Variants in MNAT1 observed in about 807,000 individuals in gnomAD.
MNAT1 encodes the protein CDK-activating kinase assembly factor MAT1.
In MNAT1, 43 loss-of-function variants were observed where a neutral mutation model predicts 42.0. The ratio of observed to expected loss-of-function variants is 1.02; its 90% CI spans 0.80 to 1.32. The LOEUF (loss-of-function observed/expected upper bound fraction) is 1.32, where lower values mean the gene tolerates loss of function less well. MNAT1 is among the 40% of genes most tolerant of loss of function. The probability of loss-of-function intolerance (pLI) is 0.00; values close to 1 mark genes in which losing one functional copy is unlikely to be tolerated. For synonymous variants in MNAT1, 118 were observed against 120.0 expected (o/e 0.98, Z 0.11); for missense variants, 306 against 350.4 (o/e 0.87, Z 1.01).
rs2033535453 is a variant in MNAT1, at chr14:60,841,026, A to G, written c.687+22179A>G. ...TGGTGAATATTGTTTTGTGAACTTG[A>G]AGATAATTTCTATTTGGCTCTTAGG... On this transcript the variant is annotated intron_variant, in intron 6 of 7. Coordinates refer to ENST00000261245, the MANE Select transcript of MNAT1 (RefSeq NM_002431.4). 2.6e-5 allele frequency among the ~76,000 whole-genome samples: 4 copies of G among 152,140 alleles called. No homozygotes were observed. In the South Asian group the frequency reaches 8.3e-4, roughly 32 times the overall value.
In MNAT1 at chr14:60,778,618, C is replaced by CT. The variant is rs577423248; in HGVS notation, c.90-17597dup. On this transcript the variant is annotated intron_variant, in intron 1 of 7. Coordinates refer to ENST00000261245, the MANE Select transcript of MNAT1 (RefSeq NM_002431.4). ...TACGGGATCTTGAGTAATATTGTCT[C>CT]TTACCAAGAGTCGCACTTTACAGGA... Among the ~76,000 whole-genome samples the CT allele has an allele frequency of 5.9e-5, 9 of 152,316 alleles. No homozygotes were observed. In the South Asian group the frequency reaches 1.9e-3, roughly 32 times the overall value.
chr14:60,788,495 A>T (rs994356551), intron 1 of MNAT1, among the ~76,000 whole-genome samples: 2 of 152,198 alleles, frequency 1.3e-5, no homozygotes, highest in African/African-American at 2.4e-5. Flanking sequence ...CTTGCCTTTG[A>T]AGCTTTGAAA....
intron 6 of MNAT1, among the ~76,000 whole-genome samples, chr14:60,819,258 T>C (rs1216788816): frequency 6.6e-6 from 1 of 152,068 alleles, no homozygotes; most frequent in Non-Finnish European, 1.5e-5. Context: ...TTTTAGTTTC[T>C]AGACTGATGA....
At chr14:60,891,347 C>T (rs934469693) in intron 7 of MNAT1, among the ~76,000 whole-genome samples, 5 of 151,310 alleles carry the variant, frequency 3.3e-5, no homozygotes, top group African/African-American at 1.2e-4. Context: ...CTGCTTTAAT[C>T]TTCATTATTT....
At chr14:60,838,357 C>T (rs527352039) in intron 6 of MNAT1, among the ~76,000 whole-genome samples, 1 of 152,006 alleles carries the variant, frequency 6.6e-6, no homozygotes, top group South Asian at 2.1e-4. Flanking sequence ...AGGCTAGTCT[C>T]GAACTCCTGA....
chr14:60,892,415 G>A (rs1017758954), intron 7 of MNAT1, among the ~76,000 whole-genome samples: 1 of 151,974 alleles, frequency 6.6e-6, no homozygotes, highest in Non-Finnish European at 1.5e-5. Context: ...CCTCTGTTCT[G>A]TTTTTGTTAC....
At chr14:60,744,685 T>G (rs1279765838) in intron 1 of MNAT1, among the ~76,000 whole-genome samples, 1 of 152,230 alleles carries the variant, frequency 6.6e-6, no homozygotes, top group Non-Finnish European at 1.5e-5. Flanking sequence ...CATTGTTTCC[T>G]TACTTTAGTG....
At chr14:60,909,518 C>A (rs552357787) in intron 7 of MNAT1, among the ~76,000 whole-genome samples, 2 of 152,094 alleles carry the variant, frequency 1.3e-5, no homozygotes, top group Non-Finnish European at 2.9e-5. Flanking sequence ...TAAGGAAGGG[C>A]TCCAGTTTCA....
At chr14:60,869,773 AC>A (rs1490488657) in intron 6 of MNAT1, among the ~76,000 whole-genome samples, 2 of 152,190 alleles carry the variant, frequency 1.3e-5, no homozygotes, top group Non-Finnish European at 2.9e-5. Context: ...CAATCTATAT[AC>A]TAATTGATTA....
At chr14:60,940,228 T>C (rs1227110147) in intron 7 of MNAT1, among the ~76,000 whole-genome samples, 1 of 152,184 alleles carries the variant, frequency 6.6e-6, no homozygotes, top group Non-Finnish European at 1.5e-5. Context: ...TTTAGCCCAT[T>C]TACATTTAAG....
chr14:60,899,662 T>C (rs2035031858), intron 7 of MNAT1, among the ~76,000 whole-genome samples: 1 of 152,196 alleles, frequency 6.6e-6, no homozygotes, highest in Non-Finnish European at 1.5e-5. Flanking sequence ...GCAAAAGTAA[T>C]TGATTATCAC....
chr14:60,737,874 A>T (rs1397986085), intron 1 of MNAT1, among the ~76,000 whole-genome samples: 1 of 146,302 alleles, frequency 6.8e-6, no homozygotes, highest in Non-Finnish European at 1.5e-5. Context: ...TTTGAGAAGG[A>T]GTCTCGCTCT....
intron 1 of MNAT1, among the ~76,000 whole-genome samples, chr14:60,737,953 A>G (rs1209764631): frequency 1.3e-5 from 2 of 149,382 alleles, no homozygotes; most frequent in East Asian, 4.0e-4. Context: ...GGTTCACGCC[A>G]TTGTCCTGCC....
intron 1 of MNAT1, among the ~76,000 whole-genome samples, chr14:60,765,718 C>G (rs563164095): frequency 4.6e-5 from 7 of 152,130 alleles, no homozygotes; most frequent in African/African-American, 1.7e-4. Flanking sequence ...TTGATGATGG[C>G]TTCTATTTAT....
intron 3 of MNAT1, among the ~76,000 whole-genome samples, chr14:60,798,758 A>C (rs972132681): frequency 6.6e-6 from 1 of 152,182 alleles, no homozygotes; most frequent in African/African-American, 2.4e-5. Flanking sequence ...AGATGTTAAA[A>C]ACTTTGGAAG....
At chr14:60,838,087 TTTCTTGATCTG>T (rs1210929193) in intron 6 of MNAT1, among the ~76,000 whole-genome samples, 2 of 152,172 alleles carry the variant, frequency 1.3e-5, no homozygotes, top group Non-Finnish European at 2.9e-5. Flanking sequence ...GTTTATCAGT[TTTCTTGATCTG>T]TTCAGAGAAC....
chr14:60,899,755 C>G (rs1020873143), intron 7 of MNAT1, among the ~76,000 whole-genome samples: 3 of 152,184 alleles, frequency 2.0e-5, no homozygotes, highest in African/African-American at 4.8e-5. Flanking sequence ...CACAAAAATA[C>G]AGGTGTACCT....
intron 7 of MNAT1, among the ~76,000 whole-genome samples, chr14:60,882,445 T>G (rs553665255): frequency 6.6e-6 from 1 of 152,302 alleles, no homozygotes; most frequent in African/African-American, 2.4e-5. Context: ...AATACTCCAC[T>G]GTGTATATGT....
intron 6 of MNAT1, among the ~76,000 whole-genome samples, chr14:60,852,826 T>C (rs544895836): frequency 7.4e-4 from 112 of 152,338 alleles, no homozygotes; most frequent in Non-Finnish European, 8.5e-4. Flanking sequence ...TTCTTGTTTT[T>C]GTCAGGTTTG....
Sources: gnomAD v4.1 joint callset for allele counts (sites outside exome capture counted in the v4.1 genomes callset) on GRCh38, gnomAD v4.1.1 for gene constraint, MANE v1.5 for transcripts, NCBI Gene and HGNC (gene_info 2026-07-23, HGNC 2026-07-21) for gene names.